The following RTN2 variants were observed in gnomAD, a reference collection of about 807,000 sequenced individuals.
The protein encoded by RTN2 is reticulon 2, also known as reticulon-2.
Under a neutral mutation model 63.7 loss-of-function variants are expected in RTN2, and 36 were observed. The observed-to-expected ratio is 0.56, with a 90% CI of 0.43 to 0.75. RTN2 has a LOEUF of 0.75. RTN2 is among the 30% of genes least tolerant of loss of function. RTN2 has a pLI of 0.00. For missense variants in RTN2, 673 were observed against 705.1 expected, an observed-to-expected ratio of 0.95 and a Z score of 0.52; for synonymous variants, 312 against 313.0, an observed-to-expected ratio of 1.00 and a Z score of 0.03.
At position 45,488,915 on chromosome 19, in the gene RTN2, C is replaced by T. The variant is rs1968089378; in HGVS notation, c.1313G>A (p.Arg438His). 13 of 1,609,862 alleles carry T rather than the reference C, an allele frequency of 8.1e-6. No individual in the cohort carries two copies. Among genetic ancestry groups the T allele is most frequent in the African/African-American group, 1.3e-5 (1 of 74,894 alleles). Residue 438 changes from arginine (R) to histidine (H), a missense_variant, in exon 7 of 11, where the codon CGC becomes CAC. Transcript: ENST00000245923. ...CAGCTGCGTGGCCGCCGAGACCACG[C>T]GGGAGGTGATCTGGTGGGACAAACG... ...TERLSHQITS[R>H]VVSAATQLRH...
In RTN2 at chr19:45,491,574, C is replaced by A. The variant is rs183743568; in HGVS notation, c.1033+1586G>T. ...TGAGGCAGAATCTCGCTCTGTTGCC[C>A]AAGCTGGAGTGCAGTGGCGCGATCT... On this transcript the variant is annotated intron_variant, in intron 5 of 10. Coordinates refer to ENST00000245923, the MANE Select transcript of RTN2 (RefSeq NM_005619.5). Among the ~76,000 whole-genome samples, 914 of 150,602 alleles carry A rather than the reference C, an allele frequency of 6.1e-3. 4 individuals are homozygous for A. The highest frequency in any genetic ancestry group is 9.6e-3 in the Non-Finnish European group (649 of 67,698).
At chr19:45,495,589 G>C (rs1448829885) in intron 1 of RTN2, among the ~76,000 whole-genome samples, 1 of 152,166 alleles carries the variant, frequency 6.6e-6, no homozygotes. Context: ...GAAAGTGAAG[G>C]GGTGCTGTTT....
chr19:45,494,313 G>A lies in RTN2; in HGVS notation c.667C>T (p.Arg223Ter). Residue 223 changes from arginine to a stop codon, truncating the protein, a stop_gained, in exon 4 of 11, where the codon CGA becomes TGA. Transcript: ENST00000245923. LOFTEE classifies it high-confidence loss of function. The surrounding 1 kb of genome is among the most constrained non-coding windows in gnomAD (Gnocchi z 5.3). ...TPQAGTPSPS[R>*]SRDSNSGPEE... ...GGCCCAGAGTTCGAATCTCGCGATC[G>A]GGATGGGGACGGAGTACCGGCCTGG... is the stretch of plus-strand genomic sequence containing the variant. 1.2e-6 allele frequency: 2 copies of A among 1,614,098 alleles called. No homozygotes were observed. The highest frequency in any genetic ancestry group is 1.7e-6 in the Non-Finnish European group (2 of 1,180,038).
intron 4 of RTN2, chr19:45,493,962 T>C (rs1968215233): frequency 1.4e-6 from 1 of 729,582 alleles, no homozygotes; most frequent in East Asian, 2.7e-5. Context: ...AGGGCTGGGA[T>C]TACAGGCATG....
rs955637297 is a variant in RTN2, at chr19:45,496,921, G to T, written c.-96C>A. On this transcript the variant is annotated 5_prime_UTR_variant, in exon 1 of 11. Transcript: ENST00000245923. Reference sequence around the variant, plus strand: ...CGCTCATCTCCGCCGCGCCCACGACGCCGCTGCCATTCTCGCCGCCTCCTC... The same window carrying T: ...CGCTCATCTCCGCCGCGCCCACGACTCCGCTGCCATTCTCGCCGCCTCCTC... 7 of 683,910 alleles carry T rather than the reference G, an allele frequency of 1.0e-5. No individual in the cohort carries two copies. The highest frequency in any genetic ancestry group is 1.3e-5 in the Non-Finnish European group (6 of 470,470). The allele number at this position is 683,910 out of a possible 1,614,324, so 42.4% of individuals were successfully genotyped here.
chr19:45,487,032 CTTTTTTTTTTTTTTTT>C (rs34799041), intron 9 of RTN2, among the ~76,000 whole-genome samples: 1 of 39,178 alleles, frequency 2.6e-5, no homozygotes, highest in Non-Finnish European at 4.6e-5. Context: ...CATGCCCAGC[CTTTTTTTTTTTTTTTT>C]TTTTTTTTTT....
At position 45,494,054 on chromosome 19, in the gene RTN2, T is replaced by C. The variant is rs1200765421; in HGVS notation, c.814+112A>G. On this transcript the variant is annotated intron_variant, in intron 4 of 10. Transcript: ENST00000245923. The surrounding 1 kb of genome is among the most constrained non-coding windows in gnomAD (Gnocchi z 5.3). ...CCAGATGTGATATCACGTCTATCTC[T>C]TCCCTTTTCCACTATGTACTGTTCC... 8 of 1,453,454 alleles carry C rather than the reference T, an allele frequency of 5.5e-6. No individual in the cohort carries two copies. The highest frequency in any genetic ancestry group is 7.4e-6 in the Non-Finnish European group (8 of 1,082,036). 90.0% of individuals were successfully genotyped at this position (1,453,454 alleles called of 1,614,324 possible).
At chr19:45,490,912 G>GTTTCGATT (rs1157172482) in intron 5 of RTN2, among the ~76,000 whole-genome samples, 1 of 142,976 alleles carries the variant, frequency 7.0e-6, no homozygotes, top group Non-Finnish European at 1.5e-5. Context: ...TTGAGACAGA[G>GTTTCGATT]TTTCGCTCTT....
In RTN2 at chr19:45,493,492, C is replaced by T. The variant is rs75977051; in HGVS notation, c.815-114G>A. 4,455 of 781,576 alleles carry T rather than the reference C, an allele frequency of 5.7e-3. 153 individuals are homozygous for T. In the Admixed American group the frequency reaches 0.069, roughly 12 times the overall value. The allele number at this position is 781,576 out of a possible 1,614,324, so 48.4% of individuals were successfully genotyped here. On this transcript the variant is annotated intron_variant, in intron 4 of 10. Coordinates refer to ENST00000245923, the MANE Select transcript of RTN2 (RefSeq NM_005619.5). ...TTTTTCAAATAGAGATCGAGTCTCC[C>T]TATGTTGCCCAGGCTGGTCTTGCAC...
chr19:45,490,281 T>G (rs1438843573), intron 5 of RTN2, among the ~76,000 whole-genome samples: 1 of 152,174 alleles, frequency 6.6e-6, no homozygotes, highest in Non-Finnish European at 1.5e-5. Flanking sequence ...ATTACAGGCA[T>G]GTGCTACCGC....
chr19:45,488,929 G>A lies in RTN2; in HGVS notation c.1299C>T (p.His433=). The stretch of plus-strand genomic sequence containing the variant: ...CCGAGACCACGCGGGAGGTGATCTG[G>A]TGGGACAAACGTTCCGTCTGCTCCC... ...LTREQTERLS[H]QITSRVVSAA... is the part of the protein sequence containing the mutation. The change falls in exon 7 of 11, where the codon CAC becomes CAT. Residue 433 remains histidine, a synonymous_variant. Coordinates refer to ENST00000245923, the MANE Select transcript of RTN2 (RefSeq NM_005619.5). 1 of 1,611,246 alleles carries A rather than the reference G, an allele frequency of 6.2e-7. No homozygotes were observed. Among genetic ancestry groups the A allele is most frequent in the Non-Finnish European group, 8.5e-7 (1 of 1,178,958 alleles).
rs771745205 is a variant in RTN2, at chr19:45,489,428, G to T, written c.1159C>A (p.Leu387Met). ...VSVAAHLALL[L>M]LCGTISLRVY... is the part of the protein sequence containing the mutation. ...CTGAGAGAGATGGTGCCGCAGAGCA[G>T]CAACAGAGCCAAGTGCGCGGCCACG... Residue 387 changes from leucine (L) to methionine (M), a missense_variant, in exon 6 of 11, where the codon CTG (leucine) becomes ATG (methionine). Physicochemically the swap from Leu to Met is conservative, Grantham distance 15. Transcript: ENST00000245923. 1.2e-6 allele frequency: 2 copies of T among 1,610,056 alleles called. No individual in the cohort carries two copies. The highest frequency in any genetic ancestry group is 2.2e-5 in the South Asian group (2 of 90,092).
rs1322254726 is a variant in RTN2 at position 45,488,673 on chromosome 19, C to A, written c.1414G>T (p.Gly472Cys). ...ALLFYILTFV[G>C]AIFNGLTLLI... is the part of the protein sequence containing the mutation. Reference sequence around the variant, plus strand: ...AGAGTCAAACCATTGAAGATGGCACCCACGAAGGTCAAGATGTAGAAGAGG... The same window carrying A: ...AGAGTCAAACCATTGAAGATGGCACACACGAAGGTCAAGATGTAGAAGAGG... Residue 472 changes from glycine (G) to cysteine (C), a missense_variant, in exon 8 of 11, where the codon GGT becomes TGT. Gly to Cys is a radical substitution (Grantham distance 159). Coordinates refer to ENST00000245923, the MANE Select transcript of RTN2 (RefSeq NM_005619.5). The A allele has an allele frequency of 6.2e-7, 1 of 1,613,848 alleles. No individual in the cohort carries two copies.
chr19:45,496,229 G>C (rs1968265825), intron 1 of RTN2, among the ~76,000 whole-genome samples: 1 of 152,164 alleles, frequency 6.6e-6, no homozygotes, highest in Non-Finnish European at 1.5e-5. Flanking sequence ...AGGAGGCCTG[G>C]AATGGTGTGG....
Position 45,489,377 on chromosome 19 carries a change from C to A in RTN2, c.1210G>T (p.Val404Leu), listed in dbSNP as rs200512597. 2 of 1,581,132 alleles carry A rather than the reference C, an allele frequency of 1.3e-6. No homozygotes were observed. Among genetic ancestry groups the A allele is most frequent in the East Asian group, 4.6e-5 (2 of 43,152 alleles). Reference sequence around the variant, plus strand: ...GGGTTGGCTCCATCCCCCCGGTGCACGGCCTGCAGCACTTTGCGGTAAACC... The same window carrying A: ...GGGTTGGCTCCATCCCCCCGGTGCAAGGCCTGCAGCACTTTGCGGTAAACC... The part of the protein sequence containing the change: ...LRVYRKVLQA[V>L]HRGDGANPFQ... The change falls in exon 6 of 11, where the codon GTG becomes TTG. Residue 404 changes from valine to leucine, a missense_variant. Val to Leu is a conservative substitution (Grantham distance 32). Transcript: ENST00000245923.
chr19:45,494,957 A>T lies in RTN2; in HGVS notation c.128T>A (p.Phe43Tyr). ...GGTCTCCTCCTCGTCCTCCTCTGAG[A>T]ATTCCCGGGCTGTGTGCAGCTCTCG... is the stretch of plus-strand genomic sequence containing the variant. ...DFRELHTARE[F>Y]SEEDEEETTS... The change falls in exon 3 of 11, where the codon TTC becomes TAC. Residue 43 changes from phenylalanine to tyrosine, a missense_variant. By Grantham distance (22) the Phe-to-Tyr change is conservative. Transcript: ENST00000245923. This position sits in a 1 kb window ranked among gnomAD's most constrained non-coding sequence, Gnocchi z 5.3. 1 of 1,613,766 alleles carries T rather than the reference A, an allele frequency of 6.2e-7. No individual in the cohort carries two copies. The highest frequency in any genetic ancestry group is 8.5e-7 in the Non-Finnish European group (1 of 1,179,828).
intron 1 of RTN2, 153 bp downstream of exon 1, chr19:45,496,639 C>A (rs1216447448): frequency 1.7e-5 from 8 of 457,464 alleles, no homozygotes; most frequent in Non-Finnish European, 2.6e-5. Flanking sequence ...CCCCCGTCGC[C>A]GCCAGAGCGC....
intron 7 of RTN2, 21 bp downstream of exon 7, chr19:45,488,827 G>A (rs749329842): frequency 6.3e-7 from 1 of 1,599,110 alleles, no homozygotes; most frequent in Non-Finnish European, 8.5e-7. Context: ...AACCCAGGAG[G>A]GGCTGAGAGC....
chr19:45,494,380 G>A lies in RTN2; in HGVS notation c.600C>T (p.Pro200=), dbSNP rs886386424. The A allele has an allele frequency of 5.6e-6, 9 of 1,613,940 alleles. No homozygotes were observed. The East Asian group carries it at 2.0e-4, about 36-fold the overall frequency. The change falls in exon 4 of 11, where the codon CCC becomes CCT. Residue 200 remains proline (P), a synonymous_variant. Transcript: ENST00000245923. This position sits in a 1 kb window ranked among gnomAD's most constrained non-coding sequence, Gnocchi z 5.3. ...GACTGAGCTGGGGAGTCAAGACCTC[G>A]GGCGATGAGGGCTGAGCAAGTCGGA... ...LRLRLAQPSS[P]EVLTPQLSPG... is the part of the protein sequence containing the mutation.
Sources: gnomAD v4.1 joint callset for allele counts (sites outside exome capture counted in the v4.1 genomes callset) on GRCh38, gnomAD v4.1.1 for gene constraint, Gnocchi (gnomAD v3.1) non-coding constraint, MANE v1.5 for transcripts, NCBI Gene and HGNC (gene_info 2026-07-23, HGNC 2026-07-21) for gene names.